Variants in GRID2IP observed in about 807,000 individuals in gnomAD.
GRID2IP encodes the protein Grid2 interacting protein.
Under a neutral mutation model 114.3 loss-of-function variants are expected in GRID2IP, and 78 were observed. That is an observed-to-expected ratio of 0.68 (90% CI 0.57 to 0.82). The LOEUF (loss-of-function observed/expected upper bound fraction) is 0.82. Ranked by LOEUF, GRID2IP falls within the 40% of genes least tolerant of loss-of-function variation. GRID2IP has a pLI of 0.00. For missense variants in GRID2IP, 1,727 were observed against 1,678.5 expected (o/e 1.03, Z -0.51); for synonymous variants, 809 against 724.0 (o/e 1.12, Z -1.89).
rs1394612268 is a variant in GRID2IP at position 6,510,627 on chromosome 7, C to G, written c.1635G>C (p.Glu545Asp). The G allele has an allele frequency of 1.0e-5, 16 of 1,536,636 alleles. No homozygotes were observed. The highest frequency in any genetic ancestry group is 1.4e-5 in the Non-Finnish European group (16 of 1,142,206). ...GTCTCACCATCTTGGGGTTGGGGGT[C>G]TCAGGGAGGGACGTGCCGTCGCCTG... ...RQAGDGTSLP[E>D]TPNPKMMSAV... Residue 545 changes from glutamate to aspartate, a missense_variant, in exon 10 of 22, where the codon GAG (glutamate) becomes GAC (aspartate). By Grantham distance (45) the Glu-to-Asp change is conservative. Coordinates refer to ENST00000457091, the MANE Select transcript of GRID2IP (RefSeq NM_001145118.2).
Position 6,536,249 on chromosome 7 carries a change from C to T in GRID2IP, c.584+3469G>A, listed in dbSNP as rs1779720263. Among the ~76,000 whole-genome samples the T allele has an allele frequency of 1.3e-5, 2 of 152,328 alleles. No individual in the cohort carries two copies. The highest frequency in any genetic ancestry group is 4.1e-4 in the South Asian group (2 of 4,832). On this transcript the variant is annotated intron_variant, in intron 2 of 21. Coordinates refer to ENST00000457091, the MANE Select transcript of GRID2IP (RefSeq NM_001145118.2). The surrounding 1 kb of genome is among the most constrained non-coding windows in gnomAD (Gnocchi z 5.3). ...GTAACATTCTCCTTGCGGAGCCCAG[C>T]TGGGCGCCGCCCCTTCCTCCAGCAG...
rs1442779112 is a variant in GRID2IP at position 6,520,797 on chromosome 7, T to G, written c.1085-36A>C. ...CACAGGCGGGAGAGGCATGAGTGAC[T>G]CAGAGTCCCCAGGCCAGGTGTAGTC... On this transcript the variant is annotated intron_variant, in intron 6 of 21. Transcript: ENST00000457091. This position sits in a 1 kb window ranked among gnomAD's most constrained non-coding sequence, Gnocchi z 4.6. 6.5e-7 allele frequency: 1 copy of G among 1,531,556 alleles called. No homozygotes were observed. Among genetic ancestry groups the G allele is most frequent in the Admixed American group, 2.0e-5 (1 of 50,490 alleles). 94.9% of individuals were successfully genotyped at this position (1,531,556 alleles called of 1,614,324 possible). A position where few individuals can be genotyped will look rare whatever the true frequency, so the allele number is the denominator to read the frequency against.
intron 1 of GRID2IP, among the ~76,000 whole-genome samples, chr7:6,548,604 G>A (rs564796146): frequency 1.3e-5 from 2 of 152,220 alleles, no homozygotes; most frequent in East Asian, 1.9e-4. Flanking sequence ...CTGGGAGGCC[G>A]CAGCAGATGG....
intron 20 of GRID2IP, among the ~76,000 whole-genome samples, chr7:6,499,256 G>A (rs1406193423): frequency 2.6e-5 from 4 of 152,026 alleles, no homozygotes; most frequent in Non-Finnish European, 4.4e-5. Flanking sequence ...ATCAATTAAT[G>A]ACCACTGTGG....
chr7:6,497,937 G>C (rs1267929445), intron 21 of GRID2IP, 92 bp from the exon 22 acceptor site: 19 of 1,351,216 alleles, frequency 1.4e-5, no homozygotes, highest in East Asian at 2.5e-5. Context: ...CAGCCCATCA[G>C]GGGGTTAGGG....
In GRID2IP at chr7:6,501,886, G is replaced by A; in HGVS notation, c.3294C>T (p.Ala1098=). 1 of 1,551,528 alleles carries A rather than the reference G, an allele frequency of 6.4e-7. No individual in the cohort carries two copies. The highest frequency in any genetic ancestry group is 8.7e-7 in the Non-Finnish European group (1 of 1,146,988). Reference sequence around the variant, plus strand: ...GGAGGTCAGCCAGGTCACTGGTCAGGGCCCGTTGGTTCACTGTAGGGAAGA... The same window carrying A: ...GGAGGTCAGCCAGGTCACTGGTCAGAGCCCGTTGGTTCACTGTAGGGAAGA... The part of the protein sequence containing the change: ...VPLAAKVNQR[A]LTSDLADLHG... Residue 1098 remains alanine (A), a synonymous_variant, in exon 20 of 22, where the codon GCC becomes GCT. Transcript: ENST00000457091.
chr7:6,550,987 C>T (rs1404536696), intron 1 of GRID2IP, 21 bp downstream of exon 1: 1 of 1,195,958 alleles, frequency 8.4e-7, no homozygotes, highest in Non-Finnish European at 1.0e-6. Context: ...CCCGCCCCCA[C>T]CTCCCACCCC....
At chr7:6,510,764 G>A in intron 9 of GRID2IP, 58 bp from the exon 10 acceptor site, 2 of 1,506,282 alleles carry the variant, frequency 1.3e-6, no homozygotes. Context: ...CCCCGGCCCA[G>A]AACCAACATG....
intron 1 of GRID2IP, among the ~76,000 whole-genome samples, chr7:6,547,176 T>C (rs977182634): frequency 6.6e-6 from 1 of 152,162 alleles, no homozygotes; most frequent in Non-Finnish European, 1.5e-5. Flanking sequence ...CAAGCCACCC[T>C]AGAAAGTCTA....
intron 20 of GRID2IP, among the ~76,000 whole-genome samples, chr7:6,498,846 A>G (rs1786334787): frequency 6.6e-6 from 1 of 151,944 alleles, no homozygotes; most frequent in Admixed American, 6.6e-5. Flanking sequence ...TGGCCTCCCA[A>G]AGTGCTGGGA....
At position 6,503,084 on chromosome 7, in the gene GRID2IP, A is replaced by C. The variant is rs756378232; in HGVS notation, c.2987T>G (p.Ile996Ser). 5.8e-6 allele frequency: 9 copies of C among 1,551,358 alleles called. No homozygotes were observed. The highest frequency in any genetic ancestry group is 7.8e-6 in the Non-Finnish European group (9 of 1,146,886). ...GCGCAAGCATTCAAGGCTGCCTCGG[A>C]TCTCCTCTGTCTTCTCCTGGAGGGT... ...QATLQEKTEE[I>S]RGSLECLRQA... The change falls in exon 17 of 22, where the codon ATC becomes AGC. Residue 996 changes from isoleucine (I) to serine (S), a missense_variant. Coordinates refer to ENST00000457091, the MANE Select transcript of GRID2IP (RefSeq NM_001145118.2).
intron 16 of GRID2IP, 130 bp downstream of exon 16, chr7:6,503,361 T>C: frequency 9.4e-7 from 1 of 1,065,406 alleles, no homozygotes; most frequent in Non-Finnish European, 1.3e-6. Context: ...TTAAAGGTGT[T>C]AAACTGGGAC....
rs1238224873 is a variant in GRID2IP at position 6,523,568 on chromosome 7, G to C, written c.920-1611C>G. On this transcript the variant is annotated intron_variant, in intron 4 of 21. Transcript: ENST00000457091. This position sits in a 1 kb window ranked among gnomAD's most constrained non-coding sequence, Gnocchi z 4.5. The stretch of plus-strand genomic sequence containing the variant: ...TGGGTTGGGAAGAACAGCAGACCTG[G>C]ATTTTTTTTTCTTTTTTTGAGACAG... 6.6e-6 allele frequency among the ~76,000 whole-genome samples: 1 copy of C among 151,986 alleles called. No individual in the cohort carries two copies. The highest frequency in any genetic ancestry group is 6.6e-5 in the Admixed American group (1 of 15,230).
Position 6,497,819 on chromosome 7 carries a change from C to A in GRID2IP, c.3591G>T (p.Gly1197=). Residue 1197 remains glycine, a synonymous_variant, in exon 22 of 22, where the codon GGG becomes GGT. Coordinates refer to ENST00000457091, the MANE Select transcript of GRID2IP (RefSeq NM_001145118.2). ...CCATCCCGGAGCTGCGCAGGCCCTC[C>A]CCGGCCTGCAGGTCACTCAGCGCTC... The part of the protein sequence containing the change: ...FERALSDLQA[G]EGLRSSGMVS... 2 of 1,550,272 alleles carry A rather than the reference C, an allele frequency of 1.3e-6. No individual in the cohort carries two copies. Among genetic ancestry groups the A allele is most frequent in the Non-Finnish European group, 1.7e-6 (2 of 1,146,772 alleles).
chr7:6,530,621 T>A (rs1779603131), intron 2 of GRID2IP, among the ~76,000 whole-genome samples: 1 of 149,784 alleles, frequency 6.7e-6, no homozygotes, highest in Admixed American at 6.7e-5. Flanking sequence ...GCCAGCGAAA[T>A]GGTGGCAAGG....
In GRID2IP at chr7:6,503,639, A is replaced by T; in HGVS notation, c.2759T>A (p.Val920Glu). The stretch of plus-strand genomic sequence containing the variant: ...GCGCCGGGGCTCCATGCTCATCAGC[A>T]CCTGGCGCAGCTCCGCGGGGCTCAG... ...LKLSPAELRQVLMSMEPRRLE... is the reference protein window; with the variant it reads ...LKLSPAELRQELMSMEPRRLE... Residue 920 changes from valine to glutamate, a missense_variant, in exon 16 of 22, where the codon GTG becomes GAG. By Grantham distance (121) the Val-to-Glu change is moderately radical. Transcript: ENST00000457091. The T allele has an allele frequency of 6.6e-7, 1 of 1,522,992 alleles. No individual in the cohort carries two copies. The highest frequency in any genetic ancestry group is 8.8e-7 in the Non-Finnish European group (1 of 1,141,846). The allele number at this position is 1,522,992 out of a possible 1,614,324, so 94.3% of individuals were successfully genotyped here.
At position 6,531,120 on chromosome 7, in the gene GRID2IP, G is replaced by A. The variant is rs944258780; in HGVS notation, c.585-4351C>T. ...TTCCCCATCTGGAGCCGGGGACCGCGGCGCGGCAGGTGCCGAAGGGCAGGG... is the reference window on the plus strand; with the variant it reads ...TTCCCCATCTGGAGCCGGGGACCGCAGCGCGGCAGGTGCCGAAGGGCAGGG... On this transcript the variant is annotated intron_variant, in intron 2 of 21. Transcript: ENST00000457091. The A allele has an allele frequency of 1.9e-5, 10 of 528,900 alleles. No individual in the cohort carries two copies. The Admixed American group carries it at 3.8e-4, about 20-fold the overall frequency. The allele number at this position is 528,900 out of a possible 1,614,324, so 32.8% of individuals were successfully genotyped here. A position where few individuals can be genotyped will look rare whatever the true frequency, so the allele number is the denominator to read the frequency against.
chr7:6,514,660 C>T, intron 7 of GRID2IP, 131 bp from the exon 8 acceptor site: 1 of 767,914 alleles, frequency 1.3e-6, no homozygotes, highest in Admixed American at 3.8e-5. Context: ...CCTTCAAAGA[C>T]AGAAGTGGGG....
chr7:6,512,364 GGT>G (rs1259838446), intron 8 of GRID2IP, among the ~76,000 whole-genome samples: 1 of 150,176 alleles, frequency 6.7e-6, no homozygotes, highest in Non-Finnish European at 1.5e-5. Flanking sequence ...TGGGATTACA[GGT>G]GTGTGCCACC....
Sources: gnomAD v4.1 joint callset for allele counts (sites outside exome capture counted in the v4.1 genomes callset) on GRCh38, gnomAD v4.1.1 for gene constraint, Gnocchi (gnomAD v3.1) non-coding constraint, MANE v1.5 for transcripts, NCBI Gene and HGNC (gene_info 2026-07-23, HGNC 2026-07-21) for gene names.